The following CCT6B variants were observed in gnomAD, a reference collection of about 807,000 sequenced individuals.
CCT6B encodes probable T-complex protein 1 subunit zeta-2.
CCT6B carries 49 observed loss-of-function variants against 61.5 expected under a neutral mutation model. That is an observed-to-expected ratio of 0.80 (90% CI 0.63 to 1.01). The LOEUF is 1.01. Among genes scored for constraint, CCT6B ranks in the 50% least tolerant of loss-of-function variants. The pLI, the probability that CCT6B is intolerant of heterozygous loss-of-function variation, is 0.00. For synonymous variants in CCT6B, 228 were observed against 214.5 expected, an observed-to-expected ratio of 1.06 and a Z score of -0.55; for missense variants, 666 against 634.7, an observed-to-expected ratio of 1.05 and a Z score of -0.53.
chr17:34,957,863 A>AT (rs1435400158), intron 3 of CCT6B, among the ~76,000 whole-genome samples: 8 of 152,322 alleles, frequency 5.3e-5, no homozygotes, highest in Middle Eastern at 6.8e-3. Context: ...GAAGTAGATG[A>AT]TTTATAAAGA....
At chr17:34,957,698 G>A (rs1227602469) in intron 3 of CCT6B, among the ~76,000 whole-genome samples, 3 of 152,106 alleles carry the variant, frequency 2.0e-5, no homozygotes, top group Admixed American at 6.5e-5. Flanking sequence ...AATACTAAAC[G>A]AAACACAGAG....
intron 12 of CCT6B, among the ~76,000 whole-genome samples, chr17:34,930,326 C>G (rs1309634185): frequency 6.6e-6 from 1 of 152,174 alleles, no homozygotes; most frequent in Non-Finnish European, 1.5e-5. Context: ...CTCCCTGCTC[C>G]TCTAAAGTAA....
Position 34,942,918 on chromosome 17 carries a change from A to T in CCT6B, c.615-12T>A. On this transcript the variant is annotated splice_polypyrimidine_tract_variant and intron_variant, in intron 5 of 13. Coordinates refer to ENST00000314144, the MANE Select transcript of CCT6B (RefSeq NM_006584.4). ...ATCCTTGGATCAACCTATTAAAAATATTAATGTTTCTTACTTTGAATATAT... is the reference window on the plus strand; with the variant it reads ...ATCCTTGGATCAACCTATTAAAAATTTTAATGTTTCTTACTTTGAATATAT... 1 of 1,461,828 alleles carries T rather than the reference A, an allele frequency of 6.8e-7. No individual in the cohort carries two copies. 90.6% of individuals were successfully genotyped at this position (1,461,828 alleles called of 1,614,324 possible).
In CCT6B at chr17:34,942,653, T is replaced by C. The variant is rs2090178219; in HGVS notation, c.726-10A>G. 3 of 1,571,518 alleles carry C rather than the reference T, an allele frequency of 1.9e-6. No homozygotes were observed. The highest frequency in any genetic ancestry group is 2.6e-6 in the Non-Finnish European group (3 of 1,165,460). ...ACCAGAGTTCACCTCTCTAAAAGAT[T>C]AATAAAAACCAGCTAGTAAAGGCAG... On this transcript the variant is annotated splice_polypyrimidine_tract_variant and intron_variant, in intron 6 of 13. Transcript: ENST00000314144.
intron 7 of CCT6B, among the ~76,000 whole-genome samples, chr17:34,941,871 T>C (rs2090167767): frequency 6.6e-6 from 1 of 152,084 alleles, no homozygotes. Flanking sequence ...ACCCAGCCTC[T>C]ACGAAAAAAC....
At chr17:34,934,537 T>C (rs1406601119) in intron 10 of CCT6B, among the ~76,000 whole-genome samples, 1 of 152,160 alleles carries the variant, frequency 6.6e-6, no homozygotes, top group Non-Finnish European at 1.5e-5. Context: ...AGCTCATAGA[T>C]AGTAGTTGAT....
chr17:34,931,750 A>AC (rs2090038812), intron 11 of CCT6B, among the ~76,000 whole-genome samples: 1 of 152,232 alleles, frequency 6.6e-6, no homozygotes, highest in Non-Finnish European at 1.5e-5. Context: ...GATTTTGCTA[A>AC]CATTGTTAAT....
intron 4 of CCT6B, among the ~76,000 whole-genome samples, chr17:34,953,528 C>T (rs2090315973): frequency 6.6e-6 from 1 of 151,910 alleles, no homozygotes. Flanking sequence ...CAGGATTTCA[C>T]CATGTTGGCC....
At chr17:34,953,062 G>A (rs1324258533) in intron 4 of CCT6B, among the ~76,000 whole-genome samples, 4 of 151,984 alleles carry the variant, frequency 2.6e-5, no homozygotes, top group Non-Finnish European at 5.9e-5. Context: ...TAACGGTAAG[G>A]AGAATCGATC....
chr17:34,947,297 A>C (rs2090234959), intron 5 of CCT6B, among the ~76,000 whole-genome samples: 1 of 152,192 alleles, frequency 6.6e-6, no homozygotes, highest in Admixed American at 6.5e-5. Flanking sequence ...GATAGCACTC[A>C]AAAAGCCAGA....
intron 10 of CCT6B, among the ~76,000 whole-genome samples, chr17:34,936,477 T>C (rs2090095125): frequency 6.6e-6 from 1 of 152,136 alleles, no homozygotes; most frequent in Non-Finnish European, 1.5e-5. Context: ...AATATCCATA[T>C]TGGAGAGCAA....
At chr17:34,939,863 T>C in intron 8 of CCT6B, 150 bp from the exon 9 acceptor site, 1 of 622,278 alleles carries the variant, frequency 1.6e-6, no homozygotes, top group Non-Finnish European at 2.9e-6. Context: ...TCTATATTTA[T>C]CGAGTACAAC....
intron 10 of CCT6B, among the ~76,000 whole-genome samples, chr17:34,938,532 G>C (rs2090120588): frequency 6.6e-6 from 1 of 152,116 alleles, no homozygotes; most frequent in Admixed American, 6.5e-5. Context: ...CTCTAGCCTG[G>C]GTGACAGAGC....
chr17:34,932,943 A>G (rs1440250260), intron 10 of CCT6B, among the ~76,000 whole-genome samples: 1 of 151,948 alleles, frequency 6.6e-6, no homozygotes, highest in Non-Finnish European at 1.5e-5. Context: ...CACCACACCC[A>G]GCTAATTTTT....
chr17:34,939,347 A>G lies in CCT6B; in HGVS notation c.1066-17T>C, dbSNP rs758773232. On this transcript the variant is annotated splice_polypyrimidine_tract_variant and intron_variant, in intron 9 of 13. Transcript: ENST00000314144. ...TTCTTCACCCTAAAGGGTGGCACAA[A>G]AATATATAACTTTAATATTTGATGT... 1.9e-6 allele frequency: 3 copies of G among 1,593,066 alleles called. No homozygotes were observed. The highest frequency in any genetic ancestry group is 3.4e-5 in the Admixed American group (2 of 57,986).
rs1446990189 is a variant in CCT6B at position 34,959,573 on chromosome 17, C to G, written c.201+14G>C. 1.9e-6 allele frequency: 3 copies of G among 1,596,764 alleles called. No homozygotes were observed. The highest frequency in any genetic ancestry group is 1.3e-5 in the African/African-American group (1 of 74,614). On this transcript the variant is annotated intron_variant, in intron 2 of 13. Coordinates refer to ENST00000314144, the MANE Select transcript of CCT6B (RefSeq NM_006584.4). ...GCTTATTAAGGTTTATTAAAGTCAG[C>G]AGCATCAGCTCACCATCTCATCGAG...
intron 10 of CCT6B, 104 bp downstream of exon 10, chr17:34,939,079 G>T: frequency 1.0e-6 from 1 of 980,510 alleles, no homozygotes; most frequent in Non-Finnish European, 1.5e-6. Flanking sequence ...GGAAGACTCT[G>T]TCTAAAAATA....
intron 4 of CCT6B, among the ~76,000 whole-genome samples, chr17:34,953,896 G>T (rs1278147829): frequency 2.0e-5 from 3 of 152,146 alleles, no homozygotes; most frequent in African/African-American, 7.2e-5. Context: ...GGGGGTTGCA[G>T]TGAGCTGAGA....
rs562698100 is a variant in CCT6B at position 34,931,960 on chromosome 17, G to C, written c.1347+407C>G. On this transcript the variant is annotated intron_variant, in intron 11 of 13. Transcript: ENST00000314144. ...AGGTTGTATCTAGGAGTGCTAAAGA[G>C]CCTCAAGCCCTCCCTCTCCACAATT... Among the ~76,000 whole-genome samples, 139 of 152,196 alleles carry C rather than the reference G, an allele frequency of 9.1e-4. 4 individuals carry two copies. The South Asian group carries it at 0.022, about 24-fold the overall frequency.
Sources: allele counts gnomAD v4.1 joint callset (sites outside exome capture counted in the v4.1 genomes callset), GRCh38; gene constraint gnomAD v4.1.1; transcripts MANE v1.5; gene names NCBI Gene and HGNC (gene_info 2026-07-23, HGNC 2026-07-21).